COG6: variants seen among roughly 807,000 people sequenced by gnomAD.
COG6 encodes conserved oligomeric Golgi complex subunit 6.
A neutral mutation model predicts 88.8 loss-of-function variants in COG6; 74 were observed. That is an observed-to-expected ratio of 0.83 (90% CI 0.69 to 1.01). The LOEUF is 1.01. Among genes scored for constraint, COG6 ranks in the 50% least tolerant of loss-of-function variants. The pLI, the probability that COG6 is intolerant of heterozygous loss-of-function variation, is 0.00. For synonymous variants in COG6, 286 were observed against 278.7 expected (o/e 1.03, Z -0.26); for missense variants, 800 against 797.9 (o/e 1.00, Z -0.03).
intron 13 of COG6, among the ~76,000 whole-genome samples, chr13:39,711,466 C>A (rs1243280039): frequency 2.6e-5 from 4 of 151,976 alleles, no homozygotes; most frequent in Non-Finnish European, 5.9e-5. Flanking sequence ...ATAAGCGTGA[C>A]CTTTGGAGTC....
Position 39,687,786 on chromosome 13 carries a change from T to C in COG6, c.996T>C (p.His332=), listed in dbSNP as rs1295602868. The C allele has an allele frequency of 6.8e-6, 11 of 1,612,968 alleles. No individual in the cohort carries two copies. The highest frequency in any genetic ancestry group is 2.2e-5 in the East Asian group (1 of 44,870). The change falls in exon 10 of 19, where the codon CAT becomes CAC. Residue 332 remains histidine (H), a synonymous_variant. Coordinates refer to ENST00000455146, the MANE Select transcript of COG6 (RefSeq NM_020751.3). ...EKEHLEALLK[H]VTTQGVEENI... is the part of the protein sequence containing the mutation. ...AACACCTTGAAGCTCTCTTAAAGCATGTAACTACACAAGGTGGGTCCACCA... is the reference window on the plus strand; with the variant it reads ...AACACCTTGAAGCTCTCTTAAAGCACGTAACTACACAAGGTGGGTCCACCA...
chr13:39,719,486 C>T, intron 14 of COG6, 119 bp downstream of exon 14: 1 of 1,196,736 alleles, frequency 8.4e-7, no homozygotes, highest in South Asian at 1.3e-5. Context: ...GTTAATTTTC[C>T]ATCAAATATT....
intron 13 of COG6, among the ~76,000 whole-genome samples, chr13:39,711,692 G>A (rs1878247573): frequency 6.6e-6 from 1 of 151,890 alleles, no homozygotes; most frequent in South Asian, 2.1e-4. Context: ...TAAAATACAT[G>A]GTACAGTTTT....
intron 3 of COG6, among the ~76,000 whole-genome samples, chr13:39,662,142 A>ATT (rs10629485): frequency 0.65 from 85,316 of 130,486 alleles, 28,068 homozygotes; most frequent in Admixed American, 0.75. Context: ...TGTCCTTTGT[A>ATT]TTTTTTTTTT....
intron 12 of COG6, among the ~76,000 whole-genome samples, chr13:39,696,065 A>G (rs1454807136): frequency 6.6e-6 from 1 of 151,994 alleles, no homozygotes; most frequent in African/African-American, 2.4e-5. Context: ...AAATAAAATA[A>G]TTCAGATTCT....
At chr13:39,765,886 C>T (rs764594303) in intron 18 of COG6, among the ~76,000 whole-genome samples, 26 of 152,336 alleles carry the variant, frequency 1.7e-4, no homozygotes, top group East Asian at 3.9e-4. Flanking sequence ...ACTCTCTAAC[C>T]GAGCACATAT....
At chr13:39,667,600 A>G (rs1384928164) in intron 4 of COG6, among the ~76,000 whole-genome samples, 1 of 152,210 alleles carries the variant, frequency 6.6e-6, no homozygotes, top group African/African-American at 2.4e-5. Context: ...CTTCAATCCA[A>G]TCCTTTTGTG....
rs10629485 is a variant in COG6 at position 39,662,142 on chromosome 13, A to ATTTT, written c.369+1276_369+1279dup. Among the ~76,000 whole-genome samples, 154 of 130,622 alleles carry ATTTT rather than the reference A, an allele frequency of 1.2e-3. 3 individuals are homozygous for ATTTT. The highest frequency in any genetic ancestry group is 3.6e-3 in the African/African-American group (127 of 34,822). 85.7% of individuals were successfully genotyped at this position (130,622 alleles called of 152,430 possible). ...TGTCTCTTTCTGTTTTGTCCTTTGT[A>ATTTT]TTTTTTTTTTTTTTTTTTGAGACAG... On this transcript the variant is annotated intron_variant, in intron 3 of 18. Coordinates refer to ENST00000455146, the MANE Select transcript of COG6 (RefSeq NM_020751.3).
Position 39,750,421 on chromosome 13 carries a change from A to G in COG6, c.1827-525A>G, listed in dbSNP as rs531774251. On this transcript the variant is annotated intron_variant, in intron 18 of 18. Coordinates refer to ENST00000455146, the MANE Select transcript of COG6 (RefSeq NM_020751.3). ...AGAAAGCTGTGATTTGCTGCAGGCA[A>G]GTGTCACATTTTAGCTTGGGGTGAT... Among the ~76,000 whole-genome samples, 5 of 152,336 alleles carry G rather than the reference A, an allele frequency of 3.3e-5. No individual in the cohort carries two copies. In the South Asian group the frequency reaches 1.0e-3, roughly 32 times the overall value.
chr13:39,786,381 A>G (rs1304873928), intron 18 of COG6, among the ~76,000 whole-genome samples: 1 of 152,114 alleles, frequency 6.6e-6, no homozygotes, highest in Non-Finnish European at 1.5e-5. Context: ...GAGTGGAAGG[A>G]GAATAGTGGA....
chr13:39,701,032 T>A (rs1161263817), intron 13 of COG6, among the ~76,000 whole-genome samples: 3 of 151,888 alleles, frequency 2.0e-5, no homozygotes, highest in Non-Finnish European at 1.5e-5. Flanking sequence ...GTGATGTGTT[T>A]TATATATATA....
intron 18 of COG6, among the ~76,000 whole-genome samples, chr13:39,770,661 C>G (rs1167216380): frequency 2.0e-5 from 3 of 152,152 alleles, no homozygotes; most frequent in Non-Finnish European, 4.4e-5. Context: ...AGAAAGAAAT[C>G]CATTTGTGTC....
At chr13:39,719,848 A>G (rs1347741000) in intron 15 of COG6, 21 bp downstream of exon 15, 1 of 1,576,384 alleles carries the variant, frequency 6.3e-7, no homozygotes, top group Non-Finnish European at 8.7e-7. Context: ...CTATAAAATG[A>G]CTATTGACTA....
intron 13 of COG6, among the ~76,000 whole-genome samples, chr13:39,704,394 T>C (rs1391889941): frequency 6.6e-6 from 1 of 152,192 alleles, no homozygotes; most frequent in Non-Finnish European, 1.5e-5. Flanking sequence ...GTATGTATTA[T>C]ACACTGTATT....
At chr13:39,760,059 T>C (rs1880963495) in intron 18 of COG6, among the ~76,000 whole-genome samples, 1 of 152,218 alleles carries the variant, frequency 6.6e-6, no homozygotes, top group Non-Finnish European at 1.5e-5. Context: ...TTTCCATCAA[T>C]GTCAACATCT....
chr13:39,788,549 A>T, exon 19 of COG6: 1 of 602,998 alleles, frequency 1.7e-6, no homozygotes, highest in Non-Finnish European at 3.0e-6. Flanking sequence ...GGAAACTCAG[A>T]TTTACTCTTC....
rs190221738 is a variant in COG6 at position 39,717,149 on chromosome 13, G to A, written c.1285-2087G>A. Among the ~76,000 whole-genome samples, 189 of 152,242 alleles carry A rather than the reference G, an allele frequency of 1.2e-3. 2 individuals are homozygous for A. The highest frequency in any genetic ancestry group is 4.3e-3 in the African/African-American group (180 of 41,554). ...AGCCTGTGACTATGTCATCCAATAT[G>A]CAGACTTCTGGCCTGCATGTTTTCT... On this transcript the variant is annotated intron_variant, in intron 13 of 18. Coordinates refer to ENST00000455146, the MANE Select transcript of COG6 (RefSeq NM_020751.3).
At chr13:39,750,153 A>G (rs1224229508) in intron 18 of COG6, among the ~76,000 whole-genome samples, 1 of 152,148 alleles carries the variant, frequency 6.6e-6, no homozygotes, top group African/African-American at 2.4e-5. Context: ...GAAAATTAGT[A>G]CCAGTGTTCT....
chr13:39,675,685 T>C (rs952230948), intron 4 of COG6, among the ~76,000 whole-genome samples: 1 of 152,082 alleles, frequency 6.6e-6, no homozygotes, highest in African/African-American at 2.4e-5. Flanking sequence ...TTGTTTTGGT[T>C]ACAACAAAAT....
Sources: gnomAD v4.1 joint callset for allele counts (sites outside exome capture counted in the v4.1 genomes callset) on GRCh38, gnomAD v4.1.1 for gene constraint, MANE v1.5 for transcripts, NCBI Gene and HGNC (gene_info 2026-07-23, HGNC 2026-07-21) for gene names.